The following JMY variants were observed in gnomAD, a reference collection of about 807,000 sequenced individuals.
The protein encoded by JMY is junction mediating and regulatory protein, p53 cofactor.
In JMY, 46 loss-of-function variants were observed where a neutral mutation model predicts 103.3. The ratio of observed to expected loss-of-function variants is 0.45; its 90% CI spans 0.35 to 0.57. JMY has a LOEUF of 0.57. JMY is among the 20% of genes least tolerant of loss of function. The pLI, the probability that JMY is intolerant of heterozygous loss-of-function variation, is 0.00. For synonymous variants in JMY, 526 were observed against 489.3 expected (o/e 1.07, Z -0.99); for missense variants, 1,238 against 1,255.2 (o/e 0.99, Z 0.21).
chr5:79,287,263 C>T (rs1746295733), intron 2 of JMY, among the ~76,000 whole-genome samples: 1 of 152,212 alleles, frequency 6.6e-6, no homozygotes, highest in African/African-American at 2.4e-5. Context: ...AGAAGCATAT[C>T]TCCTCCCTCT....
At chr5:79,301,814 C>T (rs543528563) in intron 6 of JMY, among the ~76,000 whole-genome samples, 14 of 152,224 alleles carry the variant, frequency 9.2e-5, no homozygotes, top group Non-Finnish European at 1.0e-4. Flanking sequence ...AGGCTGGGCG[C>T]GGTGGCTCAT....
Position 79,323,771 on chromosome 5 carries a change from A to G in JMY, c.*2169A>G, listed in dbSNP as rs994846108. On this transcript the variant is annotated 3_prime_UTR_variant, in exon 11 of 11. Coordinates refer to ENST00000396137, the MANE Select transcript of JMY (RefSeq NM_152405.5). Reference sequence around the variant, plus strand: ...ATTATAAAATAGGCTCATTTTATACATATGTCCTGTGGTCTGTCTTCCAGA... The same window carrying G: ...ATTATAAAATAGGCTCATTTTATACGTATGTCCTGTGGTCTGTCTTCCAGA... The G allele has an allele frequency of 6.6e-6, 1 of 152,142 alleles. No individual in the cohort carries two copies. Among genetic ancestry groups the G allele is most frequent in the African/African-American group, 2.4e-5 (1 of 41,428 alleles). 9.4% of individuals were successfully genotyped at this position (152,142 alleles called of 1,614,324 possible).
intron 1 of JMY, among the ~76,000 whole-genome samples, chr5:79,266,535 G>A (rs1000789881): frequency 3.9e-5 from 6 of 152,192 alleles, no homozygotes; most frequent in South Asian, 2.1e-4. Flanking sequence ...TAATGATCAC[G>A]TCAGGTAATT....
chr5:79,280,955 T>C (rs1746088259), intron 2 of JMY, among the ~76,000 whole-genome samples: 1 of 151,142 alleles, frequency 6.6e-6, no homozygotes, highest in African/African-American at 2.4e-5. Flanking sequence ...AAAAAGCAAG[T>C]ATAATTGATT....
intron 10 of JMY, among the ~76,000 whole-genome samples, chr5:79,321,293 T>C (rs941861394): frequency 6.6e-6 from 1 of 152,250 alleles, no homozygotes; most frequent in African/African-American, 2.4e-5. Context: ...TACTGCATTT[T>C]GAAGACACCA....
At chr5:79,284,003 C>T (rs1418924550) in intron 2 of JMY, 4 of 590,976 alleles carry the variant, frequency 6.8e-6, no homozygotes, top group Non-Finnish European at 1.1e-5. Flanking sequence ...GCTATAAACA[C>T]ATTTTGAAGG....
At chr5:79,245,711 C>T (rs755752324) in intron 1 of JMY, among the ~76,000 whole-genome samples, 9 of 152,098 alleles carry the variant, frequency 5.9e-5, no homozygotes, top group Non-Finnish European at 1.0e-4. Flanking sequence ...CTGCAACCTC[C>T]GCCTCCCAGG....
intron 1 of JMY, among the ~76,000 whole-genome samples, chr5:79,240,730 GT>G (rs1177900400): frequency 1.3e-5 from 2 of 152,242 alleles, no homozygotes; most frequent in Middle Eastern, 3.2e-3. Context: ...GAAGTGTGGT[GT>G]GATTGATTGG....
Position 79,258,311 on chromosome 5 carries a change from G to GTT in JMY, c.1033-19598_1033-19597dup, listed in dbSNP as rs1491360478. Among the ~76,000 whole-genome samples, 69 of 81,832 alleles carry GTT rather than the reference G, an allele frequency of 8.4e-4. 1 individual carries two copies. Among genetic ancestry groups the GTT allele is most frequent in the African/African-American group, 1.9e-3 (60 of 31,120 alleles). 53.7% of individuals were successfully genotyped at this position (81,832 alleles called of 152,430 possible). ...AGATATTAGGGCTTTTTTTGTTTTT[G>GTT]TTGTTTTTTTTTTTTTTTTGACAGG... On this transcript the variant is annotated intron_variant, in intron 1 of 10. Transcript: ENST00000396137.
At chr5:79,320,447 G>A (rs964081016) in intron 10 of JMY, among the ~76,000 whole-genome samples, 1 of 151,938 alleles carries the variant, frequency 6.6e-6, no homozygotes, top group Non-Finnish European at 1.5e-5. Flanking sequence ...TTCAATCTGG[G>A]ATTACAGGCG....
At chr5:79,290,609 T>C (rs978287961) in intron 3 of JMY, among the ~76,000 whole-genome samples, 1 of 152,334 alleles carries the variant, frequency 6.6e-6, no homozygotes, top group Non-Finnish European at 1.5e-5. Flanking sequence ...TTCTGAAAGC[T>C]AATTTTATAA....
intron 1 of JMY, among the ~76,000 whole-genome samples, chr5:79,258,993 G>A (rs971896067): frequency 6.6e-6 from 1 of 152,188 alleles, no homozygotes. Context: ...AAGACAAAGA[G>A]GAGCTTTATT....
intron 2 of JMY, chr5:79,284,507 C>T: frequency 6.3e-7 from 1 of 1,587,670 alleles, no homozygotes; most frequent in Admixed American, 1.7e-5. Flanking sequence ...AAAACCAACA[C>T]AGAACAGACG....
At chr5:79,297,180 A>G (rs915831452) in intron 4 of JMY, among the ~76,000 whole-genome samples, 7 of 152,180 alleles carry the variant, frequency 4.6e-5, no homozygotes, top group Non-Finnish European at 8.8e-5. Context: ...GGAGGTTACA[A>G]TTTGGTTTGG....
rs1561297934 is a variant in JMY at position 79,270,598 on chromosome 5, G to GTATATTTACATAAATATTTAAAA, written c.1033-7297_1033-7296insATTTAAAATATATTTACATAAAT. Among the ~76,000 whole-genome samples the GTATATTTACATAAATATTTAAAA allele has an allele frequency of 6.2e-3, 141 of 22,582 alleles. 29 individuals are homozygous for GTATATTTACATAAATATTTAAAA. The highest frequency in any genetic ancestry group is 0.019 in the African/African-American group (132 of 6,874). The allele number at this position is 22,582 out of a possible 152,430, so 14.8% of individuals were successfully genotyped here. A position where few individuals can be genotyped will look rare whatever the true frequency, so the allele number is the denominator to read the frequency against. On this transcript the variant is annotated intron_variant, in intron 1 of 10. Transcript: ENST00000396137. ...GTATATTTACATAAATATTTAAAAT[G>GTATATTTACATAAATATTTAAAA]TATATTTACATAAATGTTTATATAA... is the stretch of plus-strand genomic sequence containing the variant.
intron 1 of JMY, among the ~76,000 whole-genome samples, chr5:79,258,887 C>T (rs1022688274): frequency 6.6e-6 from 1 of 152,206 alleles, no homozygotes; most frequent in African/African-American, 2.4e-5. Flanking sequence ...GTTTGTGTTA[C>T]AGCTCTTTTA....
At chr5:79,242,840 A>G (rs1462678532) in intron 1 of JMY, among the ~76,000 whole-genome samples, 3 of 151,438 alleles carry the variant, frequency 2.0e-5, no homozygotes, top group African/African-American at 4.9e-5. Flanking sequence ...CTGGAGTACA[A>G]TGGCAGTATC....
rs1448153950 is a variant in JMY, at chr5:79,322,940, C to T, written c.*1338C>T. The T allele has an allele frequency of 1.3e-5, 2 of 152,094 alleles. No homozygotes were observed. Among genetic ancestry groups the T allele is most frequent in the African/African-American group, 2.4e-5 (1 of 41,412 alleles). The allele number at this position is 152,094 out of a possible 1,614,324, so 9.4% of individuals were successfully genotyped here. The stretch of plus-strand genomic sequence containing the variant: ...CCAGAAAGCAGTACTGGAGCAAAAG[C>T]CCAGTGTATATGAATTGGTATTCCT... On this transcript the variant is annotated 3_prime_UTR_variant, in exon 11 of 11. Transcript: ENST00000396137.
intron 7 of JMY, among the ~76,000 whole-genome samples, chr5:79,310,405 C>T (rs191300233): frequency 1.9e-4 from 29 of 152,142 alleles, no homozygotes; most frequent in Non-Finnish European, 3.8e-4. Flanking sequence ...ATGTCATCTG[C>T]CTTAGAATTT....
Sources: gnomAD v4.1 joint callset for allele counts (sites outside exome capture counted in the v4.1 genomes callset) on GRCh38, gnomAD v4.1.1 for gene constraint, MANE v1.5 for transcripts, NCBI Gene and HGNC (gene_info 2026-07-23, HGNC 2026-07-21) for gene names.